MAPK3: variants seen among roughly 807,000 people sequenced by gnomAD.
MAPK3 encodes MAPK 1.
Under a neutral mutation model 41.8 loss-of-function variants are expected in MAPK3, and 30 were observed. The observed-to-expected ratio is 0.72, with a 90% CI of 0.54 to 0.97. MAPK3 has a LOEUF of 0.97. Ranked by LOEUF, MAPK3 falls within the 50% of genes least tolerant of loss-of-function variation. The probability of loss-of-function intolerance (pLI) is 0.00; values close to 1 mark genes in which losing one functional copy is unlikely to be tolerated. For missense variants in MAPK3, 413 were observed against 509.9 expected, an observed-to-expected ratio of 0.81 and a Z score of 1.83; for synonymous variants, 222 against 213.4, an observed-to-expected ratio of 1.04 and a Z score of -0.35.
rs142229223 is a variant in MAPK3 at position 30,118,222 on chromosome 16, A to T, written c.544-59T>A. 6.5e-3 allele frequency: 10,213 copies of T among 1,579,610 alleles called. 62 individuals carry two copies. Among genetic ancestry groups the T allele is most frequent in the Non-Finnish European group, 7.3e-3 (8,371 of 1,150,396 alleles). On this transcript the variant is annotated intron_variant, in intron 3 of 8. Coordinates refer to ENST00000263025, the MANE Select transcript of MAPK3 (RefSeq NM_002746.3). ...CAAGGCCTCTGCAGCCTAAGCAGTC[A>T]CGCCCCCTTGTCTTTGCCTCCACTG...
intron 1 of MAPK3, 26 bp downstream of exon 1, chr16:30,123,013 AC>A (rs2151048574): frequency 1.2e-5 from 10 of 824,282 alleles, no homozygotes; most frequent in South Asian, 1.9e-5. Context: ...CCCTGAGGGC[AC>A]CCCCTCCCCC....
At chr16:30,121,650 C>A (rs2073016178) in intron 2 of MAPK3, among the ~76,000 whole-genome samples, 174 bp downstream of exon 2, 1 of 152,184 alleles carries the variant, frequency 6.6e-6, no homozygotes, top group South Asian at 2.1e-4. Context: ...GGCCTGGGTT[C>A]ATCAGAGGTC....
At position 30,117,656 on chromosome 16, in the gene MAPK3, C is replaced by T. The variant is rs200237040; in HGVS notation, c.775+14G>A. The T allele has an allele frequency of 2.5e-4, 397 of 1,606,360 alleles. No homozygotes were observed. The highest frequency in any genetic ancestry group is 1.6e-3 in the African/African-American group (121 of 74,860). ...GCTAATCATCCCCAACTCAGCCAGC[C>T]GGGCCTCCCTCACCCAGAATGTGGT... On this transcript the variant is annotated intron_variant, in intron 5 of 8. Transcript: ENST00000263025.
At chr16:30,120,447 G>A (rs2073004912) in intron 2 of MAPK3, among the ~76,000 whole-genome samples, 1 of 152,146 alleles carries the variant, frequency 6.6e-6, no homozygotes, top group Non-Finnish European at 1.5e-5. Context: ...GGTGTCATAA[G>A]TTGCTAAGGA....
At chr16:30,122,916 G>C in intron 1 of MAPK3, 124 bp downstream of exon 1, 2 of 850,100 alleles carry the variant, frequency 2.4e-6, no homozygotes, top group Non-Finnish European at 3.3e-6. Flanking sequence ...CGATCATCCC[G>C]AGTCTCCTGC....
In MAPK3 at chr16:30,119,306, TTTTG is replaced by T. The variant is rs557724517; in HGVS notation, c.354-772_354-769del. Among the ~76,000 whole-genome samples, 383 of 152,190 alleles carry T rather than the reference TTTTG, an allele frequency of 2.5e-3. 4 individuals are homozygous for T. Among genetic ancestry groups the T allele is most frequent in the African/African-American group, 8.1e-3 (337 of 41,502 alleles). On this transcript the variant is annotated intron_variant, in intron 2 of 8. Coordinates refer to ENST00000263025, the MANE Select transcript of MAPK3 (RefSeq NM_002746.3). ...CTGGTATGTAGGGGAAATAATGTTT[TTTTG>T]TTTGTTTGTTTGTTTTCTTTTTGTG...
chr16:30,121,690 T>G (rs888773572), intron 2 of MAPK3, 134 bp downstream of exon 2: 3 of 929,674 alleles, frequency 3.2e-6, no homozygotes, highest in South Asian at 1.7e-5. Context: ...TGGCTTCCCC[T>G]CTGCAGGAAA....
intron 1 of MAPK3, 113 bp from the exon 2 acceptor site, chr16:30,122,119 C>G (rs1218256273): frequency 2.0e-6 from 2 of 981,644 alleles, no homozygotes; most frequent in African/African-American, 3.2e-5. Flanking sequence ...TGGCTCTGGT[C>G]AAATCATAAA....
At position 30,118,523 on chromosome 16, in the gene MAPK3, G is replaced by A. The variant is rs754900345; in HGVS notation, c.369C>T (p.Asp123=). The part of the protein sequence containing the change: ...EAMRDVYIVQ[D]LMETDLYKLL... ...ACTTGTACAGGTCAGTCTCCATCAGGTCCTGCACAATGTAGCTGAGGATGG... is the reference window on the plus strand; with the variant it reads ...ACTTGTACAGGTCAGTCTCCATCAGATCCTGCACAATGTAGCTGAGGATGG... The change falls in exon 3 of 9, where the codon GAC becomes GAT. Residue 123 remains aspartate, a synonymous_variant. Transcript: ENST00000263025. 2.5e-6 allele frequency: 4 copies of A among 1,613,430 alleles called. No homozygotes were observed. In the East Asian group the frequency reaches 6.7e-5, roughly 27 times the overall value.
rs1329830484 is a variant in MAPK3, at chr16:30,118,065, C to T, written c.642G>A (p.Glu214=). The T allele has an allele frequency of 6.2e-7, 1 of 1,613,996 alleles. No individual in the cohort carries two copies. Among genetic ancestry groups the T allele is most frequent in the East Asian group, 2.2e-5 (1 of 44,896 alleles). The change falls in exon 4 of 9, where the codon GAG becomes GAA. Residue 214 remains glutamate, a synonymous_variant. Coordinates refer to ENST00000263025, the MANE Select transcript of MAPK3 (RefSeq NM_002746.3). ...YVATRWYRAP[E]IMLNSKGYTK... The stretch of plus-strand genomic sequence containing the variant: ...CTCCTACCTTGGAGTTCAGCATGAT[C>T]TCTGGGGCCCGGTACCAGCGCGTAG...
intron 8 of MAPK3, among the ~76,000 whole-genome samples, 163 bp from the exon 9 acceptor site, chr16:30,114,871 C>T (rs573474850): frequency 1.3e-5 from 2 of 152,284 alleles, no homozygotes; most frequent in Non-Finnish European, 2.9e-5. Context: ...GCTTGAGGTA[C>T]TGCTGTAAGA....
chr16:30,116,610 C>T, intron 8 of MAPK3, 26 bp downstream of exon 8: 19 of 1,601,928 alleles, frequency 1.2e-5, no homozygotes, highest in Non-Finnish European at 1.6e-5. Flanking sequence ...TCAGGGTGTC[C>T]ATGTGTGGGC....
intron 2 of MAPK3, among the ~76,000 whole-genome samples, chr16:30,120,458 G>A (rs946004205): frequency 6.6e-6 from 1 of 152,130 alleles, no homozygotes; most frequent in African/African-American, 2.4e-5. Context: ...TTGCTAAGGA[G>A]AGCCAGACAG....
At chr16:30,122,055 T>C in intron 1 of MAPK3, 49 bp from the exon 2 acceptor site, 2 of 1,599,922 alleles carry the variant, frequency 1.3e-6, no homozygotes, top group Non-Finnish European at 1.7e-6. Flanking sequence ...AAAGGGGGAG[T>C]CCGGGCCTGG....
Position 30,116,533 on chromosome 16 carries a change from C to T in MAPK3, c.*32+103G>A, listed in dbSNP as rs942512965. ...ACATTGACCATGGGTGTGGGGTAAGCTTGCTGCTGTATGGAGGCATGTACA... is the reference window on the plus strand; with the variant it reads ...ACATTGACCATGGGTGTGGGGTAAGTTTGCTGCTGTATGGAGGCATGTACA... On this transcript the variant is annotated intron_variant, in intron 8 of 8. Coordinates refer to ENST00000263025, the MANE Select transcript of MAPK3 (RefSeq NM_002746.3). 1.7e-5 allele frequency: 22 copies of T among 1,295,624 alleles called. No individual in the cohort carries two copies. In the African/African-American group the frequency reaches 3.1e-4, roughly 18 times the overall value. 80.3% of individuals were successfully genotyped at this position (1,295,624 alleles called of 1,614,324 possible). A position where few individuals can be genotyped will look rare whatever the true frequency, so the allele number is the denominator to read the frequency against.
In MAPK3 at chr16:30,121,846, T is replaced by G. The variant is rs1159823467; in HGVS notation, c.331A>C (p.Thr111Pro). ...TACACATCTCTCATGGCTTCCAGGG[T>G]GGACGCCCGCAGAATGTCTCGGATG... ...IGIRDILRASTLEAMRDVYIV... is the reference protein window; with the variant it reads ...IGIRDILRASPLEAMRDVYIV... The change falls in exon 2 of 9, where the codon ACC (threonine) becomes CCC (proline). Residue 111 changes from threonine (T) to proline (P), a missense_variant. Transcript: ENST00000263025. 31 of 1,613,706 alleles carry G rather than the reference T, an allele frequency of 1.9e-5. No individual in the cohort carries two copies. The highest frequency in any genetic ancestry group is 2.5e-5 in the Non-Finnish European group (29 of 1,179,980).
rs1156477347 is a variant in MAPK3, at chr16:30,118,037, C to T, written c.660+10G>A. On this transcript the variant is annotated intron_variant, in intron 4 of 8. Transcript: ENST00000263025. ...GTCCGTTCCTTTCAGGAGTGGGCAG[C>T]CCCTCCTACCTTGGAGTTCAGCATG... 1 of 1,611,396 alleles carries T rather than the reference C, an allele frequency of 6.2e-7. No homozygotes were observed. The highest frequency in any genetic ancestry group is 1.3e-5 in the African/African-American group (1 of 74,864).
At position 30,118,439 on chromosome 16, in the gene MAPK3, C is replaced by T. The variant is rs2151045959; in HGVS notation, c.453G>A (p.Leu151=). The change falls in exon 3 of 9, where the codon CTG becomes CTA. Residue 151 remains leucine, a synonymous_variant. Transcript: ENST00000263025. ...DHICYFLYQI[L]RGLKYIHSAN... ...CGGAGTGGATGTACTTGAGGCCCCG[C>T]AGGATCTGGTAGAGGAAGTAGCAGA... 2 of 1,614,008 alleles carry T rather than the reference C, an allele frequency of 1.2e-6. No homozygotes were observed. Among genetic ancestry groups the T allele is most frequent in the Non-Finnish European group, 1.7e-6 (2 of 1,179,996 alleles).
chr16:30,122,874 A>G (rs867759069), intron 1 of MAPK3, 166 bp downstream of exon 1: 5 of 504,444 alleles, frequency 9.9e-6, no homozygotes, highest in Non-Finnish European at 1.3e-5. Context: ...TCCCCCAGAA[A>G]GCACTCAGGG....
Sources: gnomAD v4.1 joint callset for allele counts (sites outside exome capture counted in the v4.1 genomes callset) on GRCh38, gnomAD v4.1.1 for gene constraint, MANE v1.5 for transcripts, NCBI Gene and HGNC (gene_info 2026-07-23, HGNC 2026-07-21) for gene names.